Variants in NOX4 observed in about 807,000 individuals in gnomAD.
The protein encoded by NOX4 is NADPH oxidase 4.
NOX4 carries 69 observed loss-of-function variants against 87.6 expected under a neutral mutation model. That is an observed-to-expected ratio of 0.79 (90% CI 0.65 to 0.96). NOX4 has a LOEUF of 0.96. Ranked by LOEUF, NOX4 falls within the 40% of genes least tolerant of loss-of-function variation. The probability of loss-of-function intolerance (pLI) is 0.00; values close to 1 mark genes in which losing one functional copy is unlikely to be tolerated. For synonymous variants in NOX4, 275 were observed against 238.2 expected, an observed-to-expected ratio of 1.15 and a Z score of -1.42; for missense variants, 680 against 681.5, an observed-to-expected ratio of 1.00 and a Z score of 0.02.
chr11:89,336,988 CTG>C lies in NOX4; in HGVS notation c.1515+457_1515+458del, dbSNP rs1172205483. Among the ~76,000 whole-genome samples, 6 of 152,166 alleles carry C rather than the reference CTG, an allele frequency of 3.9e-5. No homozygotes were observed. The East Asian group carries it at 1.2e-3, about 29-fold the overall frequency. On this transcript the variant is annotated intron_variant, in intron 16 of 17. Transcript: ENST00000263317. ...TGGGAATAACATTTACTGCTTGACT[CTG>C]TTTTAATTACATAAACTAATATATG...
intron 2 of NOX4, among the ~76,000 whole-genome samples, chr11:89,488,157 T>G (rs1437695205): frequency 6.6e-6 from 1 of 152,106 alleles, no homozygotes; most frequent in Non-Finnish European, 1.5e-5. Flanking sequence ...AAATATCAAC[T>G]CACTATAATT....
chr11:89,340,381 G>A (rs1945929696), intron 14 of NOX4, among the ~76,000 whole-genome samples: 2 of 147,986 alleles, frequency 1.4e-5, no homozygotes, highest in South Asian at 2.1e-4. Context: ...TCAAGGATAC[G>A]ACATACTTCA....
intron 7 of NOX4, among the ~76,000 whole-genome samples, chr11:89,422,636 T>A (rs938284331): frequency 3.3e-5 from 5 of 152,092 alleles, no homozygotes; most frequent in African/African-American, 1.2e-4. Context: ...AGAGGGCAGA[T>A]ATTTACAAAA....
intron 12 of NOX4, among the ~76,000 whole-genome samples, chr11:89,357,100 T>C (rs564281404): frequency 6.0e-4 from 91 of 152,298 alleles, no homozygotes; most frequent in African/African-American, 2.1e-3. Flanking sequence ...AGATGTTAAA[T>C]TATTTGGAAT....
At position 89,364,496 on chromosome 11, in the gene NOX4, A is replaced by G. The variant is rs1425686422; in HGVS notation, c.1135+8936T>C. Among the ~76,000 whole-genome samples the G allele has an allele frequency of 3.3e-5, 5 of 152,068 alleles. 1 individual carries two copies. In the South Asian group the frequency reaches 1.0e-3, roughly 31 times the overall value. Reference sequence around the variant, plus strand: ...TAAAACTATCTTTTTTGCAAATATTAAGGCCATGTCAAAGCAATATAAAAA... The same window carrying G: ...TAAAACTATCTTTTTTGCAAATATTGAGGCCATGTCAAAGCAATATAAAAA... On this transcript the variant is annotated intron_variant, in intron 12 of 17. Coordinates refer to ENST00000263317, the MANE Select transcript of NOX4 (RefSeq NM_016931.5).
At chr11:89,500,344 AATTTGT>A (rs1208709584), upstream of NOX4, among the ~76,000 whole-genome samples, 6 of 152,082 alleles carry the variant, frequency 3.9e-5, no homozygotes, top group African/African-American at 1.4e-4. Flanking sequence ...CCTTTCTTAA[AATTTGT>A]ATGTGTTCAA....
intron 11 of NOX4, among the ~76,000 whole-genome samples, chr11:89,381,843 C>T (rs1329318667): frequency 6.6e-6 from 1 of 152,186 alleles, no homozygotes; most frequent in East Asian, 1.9e-4. Flanking sequence ...TTACTCTTCT[C>T]CAGCCTCTCT....
At chr11:89,499,588 C>T (rs567692522), upstream of NOX4, among the ~76,000 whole-genome samples, 1 of 152,276 alleles carries the variant, frequency 6.6e-6, no homozygotes, top group African/African-American at 2.4e-5. Flanking sequence ...TTCCTACTCT[C>T]CAAAAATTTA....
the NOX4 span, among the ~76,000 whole-genome samples, chr11:89,535,645 A>G: frequency 5.3e-5 from 8 of 151,792 alleles, no homozygotes; most frequent in Non-Finnish European, 1.0e-4. Flanking sequence ...TGTGTCTCTC[A>G]TCTTCCAGAC....
chr11:89,405,110 G>GTGTGTGTGTGTGTA (rs1166714964), intron 8 of NOX4, among the ~76,000 whole-genome samples: 8 of 151,646 alleles, frequency 5.3e-5, no homozygotes, highest in Non-Finnish European at 1.2e-4. Flanking sequence ...GTGTGTGTGT[G>GTGTGTGTGTGTGTA]TGTGTTGGAA....
Position 89,440,673 on chromosome 11 carries a change from A to T in NOX4, c.475+15T>A, listed in dbSNP as rs756851194. On this transcript the variant is annotated intron_variant, in intron 6 of 17. Coordinates refer to ENST00000263317, the MANE Select transcript of NOX4 (RefSeq NM_016931.5). The stretch of plus-strand genomic sequence containing the variant: ...GTTCCTAAACCTAAAGAAAAGGCTA[A>T]GAATAACAACTTACCAGTTGTGAAG... 3 of 1,535,890 alleles carry T rather than the reference A, an allele frequency of 2.0e-6. No individual in the cohort carries two copies. The highest frequency in any genetic ancestry group is 2.3e-5 in the East Asian group (1 of 43,708).
At chr11:89,564,682 T>C in the NOX4 span, among the ~76,000 whole-genome samples, 1 of 152,154 alleles carries the variant, frequency 6.6e-6, no homozygotes, top group Admixed American at 6.5e-5. Context: ...TTACATTTCT[T>C]CAGGGAAATG....
chr11:89,456,393 G>C (rs865974210), intron 2 of NOX4, among the ~76,000 whole-genome samples: 6 of 152,108 alleles, frequency 3.9e-5, no homozygotes, highest in African/African-American at 1.4e-4. Context: ...AGTCTGAAAA[G>C]AAAGTAGGAC....
the NOX4 span, among the ~76,000 whole-genome samples, chr11:89,547,629 G>T: frequency 6.6e-6 from 1 of 152,118 alleles, no homozygotes; most frequent in East Asian, 1.9e-4. Flanking sequence ...TAAAGATTGA[G>T]AAGAAATACT....
chr11:89,452,649 AG>A (rs1945015973), intron 2 of NOX4, among the ~76,000 whole-genome samples: 13 of 152,112 alleles, frequency 8.5e-5, no homozygotes, highest in Admixed American at 8.5e-4. Flanking sequence ...GACCAAATCA[AG>A]CTATTTTACA....
At chr11:89,553,016 A>T in the NOX4 span, among the ~76,000 whole-genome samples, 1 of 152,272 alleles carries the variant, frequency 6.6e-6, no homozygotes, top group African/African-American at 2.4e-5. Context: ...ATCCCAGCTG[A>T]AAGATACCTC....
At chr11:89,392,635 T>C (rs1349129696) in intron 11 of NOX4, among the ~76,000 whole-genome samples, 1 of 152,168 alleles carries the variant, frequency 6.6e-6, no homozygotes, top group African/African-American at 2.4e-5. Context: ...ATGAACGTGT[T>C]AGAGTTTTAT....
At chr11:89,402,243 G>A (rs994841865) in intron 9 of NOX4, 83 bp downstream of exon 9, 15 of 1,007,574 alleles carry the variant, frequency 1.5e-5, no homozygotes, top group Non-Finnish European at 2.0e-5. Flanking sequence ...TGAATATATA[G>A]CTTGAAAAAC....
intron 6 of NOX4, among the ~76,000 whole-genome samples, chr11:89,435,577 A>ATTAAACTTAAATAATTTC (rs1257914818): frequency 6.6e-5 from 10 of 152,232 alleles, no homozygotes; most frequent in Admixed American, 5.9e-4. Flanking sequence ...AAGAAACCTG[A>ATTAAACTTAAATAATTTC]TTAAACTTAA....
Sources: gnomAD v4.1 joint callset for allele counts (sites outside exome capture counted in the v4.1 genomes callset) on GRCh38, gnomAD v4.1.1 for gene constraint, MANE v1.5 for transcripts, NCBI Gene and HGNC (gene_info 2026-07-23, HGNC 2026-07-21) for gene names.